The following ZNF280D variants were observed in gnomAD, a reference collection of about 807,000 sequenced individuals.
ZNF280D encodes the protein suppressor of hairy wing homolog 4.
ZNF280D carries 39 observed loss-of-function variants against 94.7 expected under a neutral mutation model. The observed-to-expected ratio is 0.41, with a 90% CI of 0.32 to 0.54. ZNF280D has a LOEUF of 0.54. Ranked by LOEUF, ZNF280D falls within the 20% of genes least tolerant of loss-of-function variation. The pLI, the probability that ZNF280D is intolerant of heterozygous loss-of-function variation, is 0.22. For synonymous variants in ZNF280D, 398 were observed against 377.6 expected, an observed-to-expected ratio of 1.05 and a Z score of -0.63; for missense variants, 1,090 against 1,149.3, an observed-to-expected ratio of 0.95 and a Z score of 0.75.
intron 10 of ZNF280D, 138 bp downstream of exon 10, chr15:56,682,112 ACAAG>A: frequency 1.7e-6 from 1 of 576,684 alleles, no homozygotes; most frequent in Non-Finnish European, 2.9e-6. Context: ...GAGCTTTTCA[ACAAG>A]AGAATCCGCC....
At chr15:56,677,031 A>G (rs569554099) in intron 12 of ZNF280D, among the ~76,000 whole-genome samples, 1 of 152,304 alleles carries the variant, frequency 6.6e-6, no homozygotes, top group South Asian at 2.1e-4. Flanking sequence ...ATCCCAAAAC[A>G]AAACTAGATC....
At chr15:56,696,697 A>T (rs1368504527) in intron 6 of ZNF280D, among the ~76,000 whole-genome samples, 1 of 152,238 alleles carries the variant, frequency 6.6e-6, no homozygotes, top group East Asian at 1.9e-4. Flanking sequence ...ATTCAGAGAA[A>T]AGTCACTTAA....
chr15:56,649,316 A>G (rs1163671834), intron 19 of ZNF280D, among the ~76,000 whole-genome samples: 1 of 152,182 alleles, frequency 6.6e-6, no homozygotes, highest in African/African-American at 2.4e-5. Flanking sequence ...CCTAAATGAA[A>G]GACTACACTA....
At chr15:56,709,712 C>T (rs774824533) in intron 1 of ZNF280D, among the ~76,000 whole-genome samples, 4 of 152,160 alleles carry the variant, frequency 2.6e-5, no homozygotes, top group Non-Finnish European at 5.9e-5. Context: ...TTTGTAGGCA[C>T]ATGGATGAAG....
chr15:56,721,597 G>A (rs1198276914), intron 1 of ZNF280D, among the ~76,000 whole-genome samples: 1 of 152,098 alleles, frequency 6.6e-6, no homozygotes, highest in Non-Finnish European at 1.5e-5. Flanking sequence ...TTTATGTTAT[G>A]GAGACAGTGT....
chr15:56,697,094 T>C (rs1470429160), intron 6 of ZNF280D, among the ~76,000 whole-genome samples: 3 of 152,220 alleles, frequency 2.0e-5, no homozygotes, highest in Admixed American at 6.5e-5. Flanking sequence ...ATAATAAGCA[T>C]AAAAGAAACC....
chr15:56,634,604 A>G (rs538485374), intron 21 of ZNF280D, among the ~76,000 whole-genome samples: 1 of 152,286 alleles, frequency 6.6e-6, no homozygotes, highest in Admixed American at 6.5e-5. Flanking sequence ...GCATACAGAT[A>G]TAAATGGGTC....
In ZNF280D at chr15:56,707,075, CACTT is replaced by C; in HGVS notation, c.28+3_28+6del. 6.2e-7 allele frequency: 1 copy of C among 1,613,826 alleles called. No homozygotes were observed. The highest frequency in any genetic ancestry group is 8.5e-7 in the Non-Finnish European group (1 of 1,179,856). On this transcript the variant is annotated splice_donor_5th_base_variant and intron_variant, in intron 3 of 21. Transcript: ENST00000267807. The stretch of plus-strand genomic sequence containing the variant: ...ATATTAGTATTAGTTGTGGCAGCAA[CACTT>C]ACTTTTTGGTTGAAAAGGGTTGTCG...
At chr15:56,671,260 T>C (rs2054845070) in intron 13 of ZNF280D, among the ~76,000 whole-genome samples, 1 of 152,182 alleles carries the variant, frequency 6.6e-6, no homozygotes, top group Admixed American at 6.6e-5. Context: ...TATGCCTATG[T>C]CCTGAATGGT....
At chr15:56,651,318 AATGGCT>A (rs2053189190) in intron 19 of ZNF280D, among the ~76,000 whole-genome samples, 1 of 152,206 alleles carries the variant, frequency 6.6e-6, no homozygotes, top group African/African-American at 2.4e-5. Flanking sequence ...ATATGCATGA[AATGGCT>A]ATCTGACCAG....
Position 56,654,520 on chromosome 15 carries a change from T to TA in ZNF280D, c.2058-18dup, listed in dbSNP as rs1217172707. 2 of 1,551,674 alleles carry TA rather than the reference T, an allele frequency of 1.3e-6. No individual in the cohort carries two copies. The highest frequency in any genetic ancestry group is 1.7e-6 in the Non-Finnish European group (2 of 1,153,228). ...GTAATGCCCCTAAAAAAAAAAGCAT[T>TA]AAAAAAAGATTTTTATCTTTTATGA... On this transcript the variant is annotated splice_polypyrimidine_tract_variant and intron_variant, in intron 17 of 21. Transcript: ENST00000267807.
At chr15:56,700,594 A>G (rs1596556591) in intron 6 of ZNF280D, 3 of 1,154,260 alleles carry the variant, frequency 2.6e-6, no homozygotes, top group Non-Finnish European at 3.2e-6. Flanking sequence ...TGTTTTCCCA[A>G]TTAAGAATAC....
At chr15:56,640,029 G>A (rs376511203) in intron 20 of ZNF280D, among the ~76,000 whole-genome samples, 3 of 151,626 alleles carry the variant, frequency 2.0e-5, no homozygotes, top group African/African-American at 4.8e-5. Context: ...AAATTGCAAC[G>A]TTAGAAAAAA....
At chr15:56,710,729 T>C (rs1055293102) in intron 1 of ZNF280D, among the ~76,000 whole-genome samples, 16 of 152,146 alleles carry the variant, frequency 1.1e-4, no homozygotes, top group Non-Finnish European at 2.1e-4. Flanking sequence ...TTCACTTTCA[T>C]CCATTGATAG....
At chr15:56,641,822 A>C (rs1328936781) in intron 20 of ZNF280D, among the ~76,000 whole-genome samples, 1 of 151,888 alleles carries the variant, frequency 6.6e-6, no homozygotes, top group Non-Finnish European at 1.5e-5. Context: ...TACATAAAGA[A>C]ATGAAGAGTA....
chr15:56,723,322 C>G (rs1181619187), intron 1 of ZNF280D, among the ~76,000 whole-genome samples: 3 of 152,074 alleles, frequency 2.0e-5, no homozygotes, highest in Admixed American at 2.0e-4. Context: ...AAATGAAGTA[C>G]TGATACATGC....
At position 56,668,826 on chromosome 15, in the gene ZNF280D, T is replaced by G; in HGVS notation, c.1542A>C (p.Thr514=). ...AATACAATATATTTTAACTCACTTT[T>G]GTTCCAGGAGGCAATCCTTCTAGTT... The part of the protein sequence containing the change: ...PKQLEGLPPG[T]KVTIRASVGP... The change falls in exon 14 of 22, where the codon ACA becomes ACC. Residue 514 remains threonine (T), a synonymous_variant. Coordinates refer to ENST00000267807, the MANE Select transcript of ZNF280D (RefSeq NM_017661.4). 1 of 1,599,662 alleles carries G rather than the reference T, an allele frequency of 6.3e-7. No individual in the cohort carries two copies.
chr15:56,652,668 G>A (rs995225543), intron 19 of ZNF280D: 1 of 985,148 alleles, frequency 1.0e-6, no homozygotes, highest in African/African-American at 1.7e-5. Flanking sequence ...CTACATTAAT[G>A]GCTAAGTAGA....
At chr15:56,733,373 GC>G (rs2059001419) in intron 1 of ZNF280D, 84 bp downstream of exon 1, 1 of 816,496 alleles carries the variant, frequency 1.2e-6, no homozygotes, top group African/African-American at 1.9e-5. Context: ...CCAGTCCAGC[GC>G]CCCCGGAGTG....
Sources: allele counts gnomAD v4.1 joint callset (sites outside exome capture counted in the v4.1 genomes callset), GRCh38; gene constraint gnomAD v4.1.1; transcripts MANE v1.5; gene names NCBI Gene and HGNC (gene_info 2026-07-23, HGNC 2026-07-21).